PHC2: variants seen among roughly 807,000 people sequenced by gnomAD.
PHC2 encodes the protein polyhomeotic homolog 2.
Under a neutral mutation model 87.4 loss-of-function variants are expected in PHC2, and 29 were observed. That is an observed-to-expected ratio of 0.33 (90% CI 0.25 to 0.45). The LOEUF (loss-of-function observed/expected upper bound fraction) is 0.45. Ranked by LOEUF, PHC2 falls within the 20% of genes least tolerant of loss-of-function variation. The pLI, the probability that PHC2 is intolerant of heterozygous loss-of-function variation, is 1.00. For synonymous variants in PHC2, 438 were observed against 461.7 expected (o/e 0.95, Z 0.66); for missense variants, 857 against 1,136.7 (o/e 0.75, Z 3.54).
intron 3 of PHC2, among the ~76,000 whole-genome samples, chr1:33,371,543 C>T (rs1355875309): frequency 1.3e-5 from 2 of 152,244 alleles, no homozygotes; most frequent in Non-Finnish European, 2.9e-5. Context: ...CACACCCAGC[C>T]ACCGCCCCCC....
At position 33,430,684 on chromosome 1, in the gene PHC2, C is replaced by T. The variant is rs528366295; in HGVS notation, c.-55+292G>A. ...CGGCCCCAGGCTCTCCGCAGCCCTC[C>T]TCGCTGCGCGTTCCCGGCCCGGGGG... is the stretch of plus-strand genomic sequence containing the variant. On this transcript the variant is annotated intron_variant, in intron 1 of 14. Coordinates refer to ENST00000683057, the MANE Select transcript of PHC2 (RefSeq NM_001385109.1). Among the ~76,000 whole-genome samples, 674 of 151,932 alleles carry T rather than the reference C, an allele frequency of 4.4e-3. 7 individuals carry two copies. Among genetic ancestry groups the T allele is most frequent in the African/African-American group, 0.015 (635 of 41,506 alleles).
At position 33,332,902 on chromosome 1, in the gene PHC2, G is replaced by A. The variant is rs1396743231; in HGVS notation, c.1762-498C>T. On this transcript the variant is annotated intron_variant, in intron 10 of 14. Transcript: ENST00000683057. This position sits in a 1 kb window ranked among gnomAD's most constrained non-coding sequence, Gnocchi z 4.2. ...CCACAGAGTATAGCAGGAAAAAACA[G>A]ACCCTGGGCCACAGAGCCAATGAAC... is the stretch of plus-strand genomic sequence containing the variant. Among the ~76,000 whole-genome samples, 1 of 152,178 alleles carries A rather than the reference G, an allele frequency of 6.6e-6. No homozygotes were observed. The highest frequency in any genetic ancestry group is 2.4e-5 in the African/African-American group (1 of 41,444).
intron 2 of PHC2, among the ~76,000 whole-genome samples, chr1:33,375,162 C>T (rs1235337205): frequency 1.3e-5 from 2 of 152,152 alleles, no homozygotes; most frequent in African/African-American, 4.8e-5. Flanking sequence ...CTTTCACACA[C>T]GTGTCCTCCA....
intron 9 of PHC2, chr1:33,347,396 C>T (rs1646864242): frequency 1.0e-6 from 1 of 985,144 alleles, no homozygotes; most frequent in Admixed American, 6.1e-5. Flanking sequence ...GGAGGTCCTT[C>T]TTTACTTAGA....
intron 1 of PHC2, among the ~76,000 whole-genome samples, chr1:33,388,544 C>T (rs913219725): frequency 2.0e-5 from 3 of 152,026 alleles, no homozygotes; most frequent in African/African-American, 2.4e-5. Context: ...AGGCTGGTCT[C>T]GAACTCCTGA....
intron 1 of PHC2, among the ~76,000 whole-genome samples, chr1:33,389,973 A>G (rs927019349): frequency 2.0e-5 from 3 of 152,176 alleles, no homozygotes; most frequent in African/African-American, 7.2e-5. Flanking sequence ...TAGGTAGCTA[A>G]TTTTCAAATT....
intron 2 of PHC2, among the ~76,000 whole-genome samples, chr1:33,374,441 C>T (rs1648044733): frequency 6.6e-6 from 1 of 152,200 alleles, no homozygotes; most frequent in Admixed American, 6.5e-5. Context: ...CATGGATTCA[C>T]TAAGCACGAG....
chr1:33,424,989 T>A (rs568993049), intron 1 of PHC2, among the ~76,000 whole-genome samples: 1 of 105,458 alleles, frequency 9.5e-6, no homozygotes, highest in Non-Finnish European at 2.5e-5. Flanking sequence ...ATTCATTCAC[T>A]AAGTATTTGC....
At chr1:33,370,280 C>T (rs558743130) in intron 5 of PHC2, 141 bp downstream of exon 5, 2 of 741,104 alleles carry the variant, frequency 2.7e-6, no homozygotes, top group Non-Finnish European at 4.3e-6. Context: ...GCCTTCCAGG[C>T]CCCCTTCTTT....
intron 1 of PHC2, among the ~76,000 whole-genome samples, chr1:33,420,813 G>A (rs923101420): frequency 3.3e-5 from 5 of 151,888 alleles, no homozygotes; most frequent in East Asian, 1.9e-4. Flanking sequence ...GTCTTGCCAC[G>A]TTGCCCAGAT....
At chr1:33,384,834 T>C (rs1191874458) in intron 1 of PHC2, among the ~76,000 whole-genome samples, 1 of 152,210 alleles carries the variant, frequency 6.6e-6, no homozygotes, top group Non-Finnish European at 1.5e-5. Context: ...AGATTCCTAA[T>C]GCCTAACATG....
Position 33,368,646 on chromosome 1 carries a change from C to T in PHC2, c.577-24G>A, listed in dbSNP as rs909159473. 5 of 1,520,056 alleles carry T rather than the reference C, an allele frequency of 3.3e-6. No homozygotes were observed. In the Admixed American group the frequency reaches 5.9e-5, roughly 18 times the overall value. The allele number at this position is 1,520,056 out of a possible 1,614,324, so 94.2% of individuals were successfully genotyped here. A position where few individuals can be genotyped will look rare whatever the true frequency, so the allele number is the denominator to read the frequency against. On this transcript the variant is annotated intron_variant, in intron 5 of 14. Transcript: ENST00000683057. The surrounding 1 kb of genome is among the most constrained non-coding windows in gnomAD (Gnocchi z 6.6). ...AGCTGAGGGGACAAAGGAACAGTGCCGCCTAGGCTCCTAGCTACCTGCACC... is the reference window on the plus strand; with the variant it reads ...AGCTGAGGGGACAAAGGAACAGTGCTGCCTAGGCTCCTAGCTACCTGCACC...
intron 1 of PHC2, among the ~76,000 whole-genome samples, chr1:33,404,948 A>T (rs898257927): frequency 8.5e-5 from 13 of 152,196 alleles, no homozygotes; most frequent in Middle Eastern, 3.2e-3. Context: ...CAAACTTGGC[A>T]TGTTTAATGG....
intron 14 of PHC2, 140 bp from the exon 15 acceptor site, chr1:33,325,159 G>A (rs1039540250): frequency 3.6e-6 from 3 of 830,924 alleles, no homozygotes; most frequent in African/African-American, 1.7e-5. Flanking sequence ...TGAGGAAGGC[G>A]CTGCTGTTCT....
intron 9 of PHC2, chr1:33,353,212 G>A (rs1365513706): frequency 6.6e-6 from 1 of 152,192 alleles, no homozygotes; most frequent in Non-Finnish European, 1.5e-5. Context: ...AGTCTCAGAT[G>A]TTTAGCCTGG....
rs1646773667 is a variant in PHC2 at position 33,342,980 on chromosome 1, C to T, written c.1559-8688G>A. On this transcript the variant is annotated intron_variant, in intron 9 of 14. Coordinates refer to ENST00000683057, the MANE Select transcript of PHC2 (RefSeq NM_001385109.1). ...GACCTGGACTCATATTCTGTTCCAC[C>T]TTTAATCAAAGGTGTGTGGCTTCAA... Among the ~76,000 whole-genome samples the T allele has an allele frequency of 3.3e-5, 5 of 152,274 alleles. No individual in the cohort carries two copies. In the South Asian group the frequency reaches 8.3e-4, roughly 25 times the overall value.
intron 1 of PHC2, among the ~76,000 whole-genome samples, chr1:33,406,929 G>T (rs1465544411): frequency 6.6e-6 from 1 of 152,002 alleles, no homozygotes; most frequent in Non-Finnish European, 1.5e-5. Flanking sequence ...TTCTTATTCT[G>T]ACCTGCATGT....
rs572943872 is a variant in PHC2 at position 33,377,566 on chromosome 1, T to G, written c.-54-1973A>C. Reference sequence around the variant, plus strand: ...TTTTTTTCTTTTTCCATGCTTTTCTTAAAAATCCTCATTTCTGTGTAGAGG... The same window carrying G: ...TTTTTTTCTTTTTCCATGCTTTTCTGAAAAATCCTCATTTCTGTGTAGAGG... On this transcript the variant is annotated intron_variant, in intron 1 of 14. Coordinates refer to ENST00000683057, the MANE Select transcript of PHC2 (RefSeq NM_001385109.1). Among the ~76,000 whole-genome samples, 3 of 152,174 alleles carry G rather than the reference T, an allele frequency of 2.0e-5. No homozygotes were observed. The South Asian group carries it at 6.2e-4, about 32-fold the overall frequency.
Position 33,389,545 on chromosome 1 carries a change from C to CCCTGGCAACTTGT in PHC2, c.-54-13965_-54-13953dup, listed in dbSNP as rs909999271. Among the ~76,000 whole-genome samples, 9 of 152,286 alleles carry CCCTGGCAACTTGT rather than the reference C, an allele frequency of 5.9e-5. No individual in the cohort carries two copies. The East Asian group carries it at 1.7e-3, about 29-fold the overall frequency. On this transcript the variant is annotated intron_variant, in intron 1 of 14. Transcript: ENST00000683057. ...GGACATTTCCTCCTGCTTGCTTCTG[C>CCCTGGCAACTTGT]CCTGGCAACTTGTCCTGGCAGCTGT... is the stretch of plus-strand genomic sequence containing the variant.
Sources: gnomAD v4.1 joint callset for allele counts (sites outside exome capture counted in the v4.1 genomes callset) on GRCh38, gnomAD v4.1.1 for gene constraint, Gnocchi (gnomAD v3.1) non-coding constraint, MANE v1.5 for transcripts, NCBI Gene and HGNC (gene_info 2026-07-23, HGNC 2026-07-21) for gene names.